MEF2C: variants seen among roughly 807,000 people sequenced by gnomAD.
MEF2C encodes the protein myocyte enhancer factor 2C.
Under a neutral mutation model 50.5 loss-of-function variants are expected in MEF2C, and 6 were observed. The ratio of observed to expected loss-of-function variants is 0.12; its 90% CI spans 0.07 to 0.23. The LOEUF is 0.23. Ranked by LOEUF, MEF2C falls within the 10% of genes least tolerant of loss-of-function variation. The pLI is 1.00. For missense variants in MEF2C, 276 were observed against 605.0 expected, an observed-to-expected ratio of 0.46 and a Z score of 5.70; for synonymous variants, 183 against 228.0, an observed-to-expected ratio of 0.80 and a Z score of 1.78.
intron 1 of MEF2C, among the ~76,000 whole-genome samples, chr5:88,880,539 A>G (rs1832515449): frequency 6.6e-6 from 1 of 152,184 alleles, no homozygotes; most frequent in Admixed American, 6.5e-5. Context: ...TTAAAAGATA[A>G]TGTTAAGATA....
intron 6 of MEF2C, chr5:88,733,813 C>T (rs1443859655): frequency 2.0e-6 from 2 of 985,102 alleles, no homozygotes; most frequent in Non-Finnish European, 2.4e-6. Flanking sequence ...CTGGACACCC[C>T]CAAAACGTGT....
intron 3 of MEF2C, among the ~76,000 whole-genome samples, chr5:88,802,462 A>T (rs1244376617): frequency 6.6e-6 from 1 of 152,156 alleles, no homozygotes; most frequent in Non-Finnish European, 1.5e-5. Context: ...TGTTGTTGTT[A>T]AACAGACAGG....
rs1264791538 is a variant in MEF2C, at chr5:88,799,901, CACACACACACACAGAG to C, written c.258+4681_258+4696del. On this transcript the variant is annotated intron_variant, in intron 3 of 10. Transcript: ENST00000504921. Reference sequence around the variant, plus strand: ...ACACACACACACACACACACACACACACACACACACACAGAGAGAGAGACACACATGTTCTTCCTCT... The same window carrying C: ...ACACACACACACACACACACACACACAGAGAGACACACATGTTCTTCCTCT... 2.3e-3 allele frequency among the ~76,000 whole-genome samples: 218 copies of C among 94,746 alleles called. 1 individual carries two copies. The highest frequency in any genetic ancestry group is 6.1e-3 in the African/African-American group (195 of 31,790). The allele number at this position is 94,746 out of a possible 152,430, so 62.2% of individuals were successfully genotyped here. A position where few individuals can be genotyped will look rare whatever the true frequency, so the allele number is the denominator to read the frequency against.
At chr5:88,789,045 T>C (rs1792437028) in intron 3 of MEF2C, among the ~76,000 whole-genome samples, 2 of 152,218 alleles carry the variant, frequency 1.3e-5, no homozygotes, top group Non-Finnish European at 2.9e-5. Context: ...GGAACTTGTT[T>C]ATGATTAAAT....
At chr5:88,903,383 TTTAA>T (rs1274630056) in intron 1 of MEF2C, among the ~76,000 whole-genome samples, 1 of 151,884 alleles carries the variant, frequency 6.6e-6, no homozygotes, top group East Asian at 1.9e-4. Flanking sequence ...TTTTAAATTA[TTTAA>T]TTATACATGC....
intron 1 of MEF2C, among the ~76,000 whole-genome samples, chr5:88,826,417 G>A (rs1810869393): frequency 6.6e-6 from 1 of 151,874 alleles, no homozygotes; most frequent in African/African-American, 2.4e-5. Context: ...TGAAGTACAC[G>A]TGCAGAGTAA....
At chr5:88,814,117 C>T (rs1804178994) in intron 2 of MEF2C, among the ~76,000 whole-genome samples, 2 of 152,110 alleles carry the variant, frequency 1.3e-5, no homozygotes, top group South Asian at 2.1e-4. Flanking sequence ...GAGTCTGCAA[C>T]GACAATCTTT....
At chr5:88,775,574 A>G (rs1784380728) in intron 3 of MEF2C, among the ~76,000 whole-genome samples, 1 of 152,206 alleles carries the variant, frequency 6.6e-6, no homozygotes, top group Non-Finnish European at 1.5e-5. Context: ...TTTTTTCAAA[A>G]TTTATGTTTC....
intron 1 of MEF2C, among the ~76,000 whole-genome samples, chr5:88,830,682 T>C: frequency 6.6e-6 from 1 of 152,058 alleles, no homozygotes; most frequent in East Asian, 1.9e-4. Flanking sequence ...CACATCATAT[T>C]AGGTAATTAA....
At chr5:88,900,660 A>G (rs1015136658) in intron 1 of MEF2C, among the ~76,000 whole-genome samples, 49 of 152,128 alleles carry the variant, frequency 3.2e-4, no homozygotes, top group Middle Eastern at 3.4e-3. Flanking sequence ...TATTTCTCTA[A>G]CAAGGTATTA....
chr5:88,890,215 A>G (rs912697388), intron 1 of MEF2C, among the ~76,000 whole-genome samples: 1 of 152,272 alleles, frequency 6.6e-6, no homozygotes, highest in Non-Finnish European at 1.5e-5. Context: ...TAAAGCAAGA[A>G]GTAGGGTATT....
intron 1 of MEF2C, among the ~76,000 whole-genome samples, chr5:88,826,373 C>T (rs1328107722): frequency 6.6e-6 from 1 of 151,784 alleles, no homozygotes; most frequent in Non-Finnish European, 1.5e-5. Context: ...TGAGGTATTG[C>T]CTTCAGAACA....
intron 3 of MEF2C, among the ~76,000 whole-genome samples, chr5:88,785,067 A>G (rs946321730): frequency 2.6e-5 from 4 of 152,128 alleles, no homozygotes; most frequent in African/African-American, 9.7e-5. Flanking sequence ...TCTAGCAATG[A>G]TTTAAGCCTC....
At chr5:88,740,789 C>A (rs1766319800) in intron 6 of MEF2C, 1 of 984,970 alleles carries the variant, frequency 1.0e-6, no homozygotes, top group Non-Finnish European at 1.2e-6. Flanking sequence ...TTAAAAAATT[C>A]CATTTAACTA....
intron 1 of MEF2C, among the ~76,000 whole-genome samples, chr5:88,872,332 TG>T (rs1829767376): frequency 6.6e-6 from 1 of 152,010 alleles, no homozygotes; most frequent in Admixed American, 6.6e-5. Flanking sequence ...AATTCATGGA[TG>T]GTATCATTTT....
Position 88,728,627 on chromosome 5 carries a change from C to T in MEF2C, c.966G>A (p.Glu322=). 1 of 1,421,304 alleles carries T rather than the reference C, an allele frequency of 7.0e-7. No individual in the cohort carries two copies. Among genetic ancestry groups the T allele is most frequent in the East Asian group, 2.7e-5 (1 of 36,912 alleles). 88.0% of individuals were successfully genotyped at this position (1,421,304 alleles called of 1,614,324 possible). A position where few individuals can be genotyped will look rare whatever the true frequency, so the allele number is the denominator to read the frequency against. Residue 322 remains glutamate, a splice_region_variant and synonymous_variant, in exon 10 of 11, where the codon GAG becomes GAA. Transcript: ENST00000504921. The part of the protein sequence containing the change: ...PSAISTTYGT[E]YSLSSADLSS... ...ACAGGTCTGCACTACTCAGAGAGTA[C>T]TCTAGATTAAAGAATAAAACAACAA...
At position 88,808,193 on chromosome 5, in the gene MEF2C, T is replaced by C. The variant is rs182217564; in HGVS notation, c.55-3392A>G. Among the ~76,000 whole-genome samples, 5 of 152,308 alleles carry C rather than the reference T, an allele frequency of 3.3e-5. 1 individual carries two copies. Among genetic ancestry groups the C allele is most frequent in the Admixed American group, 3.3e-4 (5 of 15,280 alleles). On this transcript the variant is annotated intron_variant, in intron 2 of 10. Coordinates refer to ENST00000504921, the MANE Select transcript of MEF2C (RefSeq NM_002397.5). ...TTTAATATTTCTTTTAGATCCAATT[T>C]TGATATGAAAATGTACCTGCATATT... is the stretch of plus-strand genomic sequence containing the variant.
chr5:88,856,099 T>C (rs1321212038), intron 1 of MEF2C, among the ~76,000 whole-genome samples: 8 of 152,266 alleles, frequency 5.3e-5, no homozygotes. Context: ...TGGTCTCAGA[T>C]GGAGATGAGA....
At chr5:88,723,605 A>T (rs1757242674) in intron 10 of MEF2C, among the ~76,000 whole-genome samples, 3 of 152,280 alleles carry the variant, frequency 2.0e-5, no homozygotes, top group Non-Finnish European at 4.4e-5. Flanking sequence ...AAGACTTTCT[A>T]CTCCATTAAA....
Sources: gnomAD v4.1 joint callset for allele counts (sites outside exome capture counted in the v4.1 genomes callset) on GRCh38, gnomAD v4.1.1 for gene constraint, MANE v1.5 for transcripts, NCBI Gene and HGNC (gene_info 2026-07-23, HGNC 2026-07-21) for gene names.